The following ANGPT1 variants were observed in gnomAD, a reference collection of about 807,000 sequenced individuals.
The protein encoded by ANGPT1 is angiopoietin-1.
In ANGPT1, 17 loss-of-function variants were observed where a neutral mutation model predicts 62.2. The observed-to-expected ratio is 0.27, with a 90% CI of 0.19 to 0.41. ANGPT1 has a LOEUF of 0.41. Ranked by LOEUF, ANGPT1 falls within the 10% of genes least tolerant of loss-of-function variation. The pLI, the probability that ANGPT1 is intolerant of heterozygous loss-of-function variation, is 1.00. For synonymous variants in ANGPT1, 199 were observed against 198.9 expected (o/e 1.00, Z 0.00); for missense variants, 478 against 594.9 (o/e 0.80, Z 2.04).
intron 6 of ANGPT1, among the ~76,000 whole-genome samples, chr8:107,292,406 T>G (rs755777093): frequency 5.3e-5 from 8 of 152,298 alleles, no homozygotes; most frequent in Non-Finnish European, 1.2e-4. Flanking sequence ...TAATGTACAC[T>G]GAGTACATTA....
intron 1 of ANGPT1, among the ~76,000 whole-genome samples, chr8:107,418,855 T>C (rs1333029846): frequency 1.3e-5 from 2 of 152,330 alleles, no homozygotes; most frequent in Non-Finnish European, 2.9e-5. Flanking sequence ...TTTGTTTCTA[T>C]TCAAAGTTGC....
intron 8 of ANGPT1, among the ~76,000 whole-genome samples, chr8:107,253,422 C>T (rs1813290745): frequency 6.6e-6 from 1 of 151,760 alleles, no homozygotes; most frequent in Admixed American, 6.6e-5. Flanking sequence ...ATTTATTTGC[C>T]CAAAAGACTC....
At chr8:107,327,776 A>G (rs2130087739) in intron 3 of ANGPT1, among the ~76,000 whole-genome samples, 1 of 152,164 alleles carries the variant, frequency 6.6e-6, no homozygotes, top group East Asian at 1.9e-4. Context: ...TCTGGCACTT[A>G]GCTTCTATTT....
intron 1 of ANGPT1, among the ~76,000 whole-genome samples, chr8:107,486,862 T>C (rs892770569): frequency 6.6e-6 from 1 of 152,194 alleles, no homozygotes; most frequent in Non-Finnish European, 1.5e-5. Flanking sequence ...TCAGTGGGTT[T>C]AGGCTTCTCA....
At chr8:107,391,116 T>C (rs1182444551) in intron 1 of ANGPT1, among the ~76,000 whole-genome samples, 3 of 152,240 alleles carry the variant, frequency 2.0e-5, no homozygotes, top group Admixed American at 1.3e-4. Flanking sequence ...TAATTACTAC[T>C]AAAGACTTAC....
intron 7 of ANGPT1, among the ~76,000 whole-genome samples, chr8:107,279,637 T>C (rs1813950226): frequency 6.6e-6 from 1 of 152,230 alleles, no homozygotes; most frequent in Non-Finnish European, 1.5e-5. Flanking sequence ...GCCTCAAATA[T>C]AGCTAGCTTA....
intron 2 of ANGPT1, among the ~76,000 whole-genome samples, chr8:107,341,818 C>T (rs1815702395): frequency 6.6e-6 from 1 of 151,978 alleles, no homozygotes; most frequent in Non-Finnish European, 1.5e-5. Flanking sequence ...GAGAGTCTAT[C>T]TCCGGAGTCT....
In ANGPT1 at chr8:107,423,855, T is replaced by C. The variant is rs1423135095; in HGVS notation, c.297+73407A>G. ...TTTTTTTTTTTTTTTTTTTTTTTTT[T>C]TCTGAGACAGAGTCTTGCTCTGTCA... On this transcript the variant is annotated intron_variant, in intron 1 of 8. Transcript: ENST00000517746. Among the ~76,000 whole-genome samples the C allele has an allele frequency of 1.4e-3, 135 of 96,556 alleles. 1 individual carries two copies. Among genetic ancestry groups the C allele is most frequent in the African/African-American group, 5.2e-3 (133 of 25,808 alleles). The allele number at this position is 96,556 out of a possible 152,430, so 63.3% of individuals were successfully genotyped here. A position where few individuals can be genotyped will look rare whatever the true frequency, so the allele number is the denominator to read the frequency against.
intron 3 of ANGPT1, among the ~76,000 whole-genome samples, chr8:107,335,906 A>G (rs1173843667): frequency 6.6e-6 from 1 of 152,210 alleles, no homozygotes; most frequent in Non-Finnish European, 1.5e-5. Flanking sequence ...CTACCATTAG[A>G]GAAATTAATG....
intron 1 of ANGPT1, among the ~76,000 whole-genome samples, chr8:107,493,562 C>A (rs966733356): frequency 6.0e-5 from 9 of 150,380 alleles, no homozygotes; most frequent in Non-Finnish European, 3.0e-5. Flanking sequence ...ATAGTCCTTG[C>A]CTATAGGACA....
Position 107,408,251 on chromosome 8 carries a change from C to T in ANGPT1, c.298-61154G>A, listed in dbSNP as rs538149645. On this transcript the variant is annotated intron_variant, in intron 1 of 8. Coordinates refer to ENST00000517746, the MANE Select transcript of ANGPT1 (RefSeq NM_001146.5). ...ACTTCTAAATGTTTGCTATTTTATC[C>T]ATATGTTTCTAGTTTGTGTACATGG... Among the ~76,000 whole-genome samples the T allele has an allele frequency of 7.9e-5, 12 of 152,136 alleles. No individual in the cohort carries two copies. In the South Asian group the frequency reaches 2.1e-3, roughly 26 times the overall value.
chr8:107,395,806 A>G (rs1816922974), intron 1 of ANGPT1, among the ~76,000 whole-genome samples: 2 of 152,268 alleles, frequency 1.3e-5, no homozygotes, highest in Non-Finnish European at 2.9e-5. Context: ...CAGGAGCAGG[A>G]AAACAGTTAG....
chr8:107,361,998 T>C (rs1238752810), intron 1 of ANGPT1, among the ~76,000 whole-genome samples: 1 of 152,108 alleles, frequency 6.6e-6, no homozygotes, highest in African/African-American at 2.4e-5. Flanking sequence ...GGCAGATCAA[T>C]GAGCTGAGAT....
chr8:107,436,205 C>A (rs1208163395), intron 1 of ANGPT1, among the ~76,000 whole-genome samples: 1 of 152,166 alleles, frequency 6.6e-6, no homozygotes, highest in East Asian at 1.9e-4. Context: ...AGTGCCTGGC[C>A]AATACTCTCA....
chr8:107,278,766 T>A (rs1813925521), intron 7 of ANGPT1, among the ~76,000 whole-genome samples: 1 of 152,248 alleles, frequency 6.6e-6, no homozygotes, highest in African/African-American at 2.4e-5. Flanking sequence ...CACCACAAGA[T>A]GCTTGACTGC....
chr8:107,266,302 C>A (rs1311791702), intron 7 of ANGPT1, among the ~76,000 whole-genome samples: 1 of 152,170 alleles, frequency 6.6e-6, no homozygotes, highest in Non-Finnish European at 1.5e-5. Context: ...AATTCAATCA[C>A]TTCTTTGGAG....
intron 1 of ANGPT1, among the ~76,000 whole-genome samples, chr8:107,392,943 A>T (rs887894146): frequency 2.0e-5 from 3 of 152,040 alleles, no homozygotes; most frequent in Admixed American, 6.6e-5. Flanking sequence ...CATTCCATGG[A>T]TCTCTTTGTC....
chr8:107,497,576 C>T lies in ANGPT1; in HGVS notation c.-18G>A, dbSNP rs775612937. 1 of 1,602,912 alleles carries T rather than the reference C, an allele frequency of 6.2e-7. No homozygotes were observed. Among genetic ancestry groups the T allele is most frequent in the South Asian group, 1.1e-5 (1 of 89,902 alleles). On this transcript the variant is annotated 5_prime_UTR_variant, in exon 1 of 9. Transcript: ENST00000517746. ...ACTGTCATTGTACTGCCAGCACACTCCTTCCGTGCCTCTCGCAAAACTTGC... is the reference window on the plus strand; with the variant it reads ...ACTGTCATTGTACTGCCAGCACACTTCTTCCGTGCCTCTCGCAAAACTTGC...
chr8:107,412,822 C>T (rs1810624191), intron 1 of ANGPT1, among the ~76,000 whole-genome samples: 2 of 152,144 alleles, frequency 1.3e-5, no homozygotes, highest in African/African-American at 2.4e-5. Flanking sequence ...TATTTGCCTG[C>T]CTGGTTCACT....
Sources: allele counts gnomAD v4.1 joint callset (sites outside exome capture counted in the v4.1 genomes callset), GRCh38; gene constraint gnomAD v4.1.1; transcripts MANE v1.5; gene names NCBI Gene and HGNC (gene_info 2026-07-23, HGNC 2026-07-21).